Variants in NAV2 observed in about 807,000 individuals in gnomAD.
NAV2 encodes neuron navigator 2.
In NAV2, 54 loss-of-function variants were observed where a neutral mutation model predicts 223.2. The ratio of observed to expected loss-of-function variants is 0.24; its 90% CI spans 0.19 to 0.30. The LOEUF (loss-of-function observed/expected upper bound fraction) is 0.30, where lower values mean the gene tolerates loss of function less well. NAV2 is among the 10% of genes least tolerant of loss of function. NAV2 has a pLI of 1.00. For synonymous variants in NAV2, 1,279 were observed against 1,239.3 expected, an observed-to-expected ratio of 1.03 and a Z score of -0.67; for missense variants, 2,806 against 3,147.5, an observed-to-expected ratio of 0.89 and a Z score of 2.60.
chr11:19,647,996 A>C (rs961941041), intron 1 of NAV2, among the ~76,000 whole-genome samples: 1 of 152,206 alleles, frequency 6.6e-6, no homozygotes, highest in Non-Finnish European at 1.5e-5. Context: ...GCTTCCCTAC[A>C]TTGATGTGGG....
intron 1 of NAV2, among the ~76,000 whole-genome samples, chr11:19,809,356 A>G (rs1035382619): frequency 5.3e-5 from 8 of 152,344 alleles, no homozygotes; most frequent in African/African-American, 1.9e-4. Flanking sequence ...CATGTTATCC[A>G]TGGAGGATTA....
chr11:19,848,096 A>G (rs1328994047), intron 3 of NAV2, among the ~76,000 whole-genome samples: 1 of 152,198 alleles, frequency 6.6e-6, no homozygotes, highest in Non-Finnish European at 1.5e-5. Flanking sequence ...CCCCTGCTGC[A>G]TAGAGCACAG....
intron 6 of NAV2, among the ~76,000 whole-genome samples, chr11:19,908,336 G>T (rs1433454424): frequency 1.3e-5 from 2 of 152,080 alleles, no homozygotes; most frequent in Non-Finnish European, 2.9e-5. Context: ...TGGGAGGAGG[G>T]TATACTGAGC....
At chr11:19,925,489 G>A (rs548879788) in intron 6 of NAV2, among the ~76,000 whole-genome samples, 7 of 152,248 alleles carry the variant, frequency 4.6e-5, no homozygotes, top group South Asian at 2.1e-4. Context: ...GGTGGCTTAC[G>A]CCTGTAATCC....
chr11:19,433,505 G>A (rs1373928114), intron 1 of NAV2, among the ~76,000 whole-genome samples: 3 of 152,236 alleles, frequency 2.0e-5, no homozygotes, highest in Admixed American at 1.3e-4. Context: ...GAAACTTGTT[G>A]ACTATTGCTT....
chr11:19,736,397 A>G (rs1227349235), intron 1 of NAV2, among the ~76,000 whole-genome samples: 1 of 152,180 alleles, frequency 6.6e-6, no homozygotes, highest in East Asian at 1.9e-4. Flanking sequence ...GACATGGATT[A>G]TGAGATCCTC....
intron 12 of NAV2, among the ~76,000 whole-genome samples, chr11:20,042,034 C>T (rs959272929): frequency 1.3e-5 from 2 of 152,150 alleles, no homozygotes; most frequent in African/African-American, 2.4e-5. Flanking sequence ...GTAAGCTCCA[C>T]CATGGGTGGG....
In NAV2 at chr11:19,753,719, G is replaced by A. The variant is rs914508784; in HGVS notation, c.267+39757G>A. 1.2e-4 allele frequency among the ~76,000 whole-genome samples: 18 copies of A among 152,240 alleles called. 2 individuals are homozygous for A. Among genetic ancestry groups the A allele is most frequent in the Admixed American group, 1.2e-3 (18 of 15,290 alleles). On this transcript the variant is annotated intron_variant, in intron 1 of 37. Coordinates refer to ENST00000349880, the MANE Select transcript of NAV2 (RefSeq NM_145117.5). The stretch of plus-strand genomic sequence containing the variant: ...GACAGTTGCTGAAGTCAGAACAGGT[G>A]GGGGTGGACCCAGCCCCTGATTATC...
At chr11:19,924,618 G>C (rs1037311978) in intron 6 of NAV2, among the ~76,000 whole-genome samples, 4 of 152,144 alleles carry the variant, frequency 2.6e-5, no homozygotes, top group Admixed American at 2.0e-4. Flanking sequence ...CAAGATACTG[G>C]AGTATTCATA....
rs368167390 is a variant in NAV2, at chr11:19,536,237, C to T, written c.75+185210C>T. Among the ~76,000 whole-genome samples the T allele has an allele frequency of 3.3e-5, 5 of 152,320 alleles. 1 individual carries two copies. In the South Asian group the frequency reaches 1.0e-3, roughly 32 times the overall value. On this transcript the variant is annotated intron_variant, in intron 1 of 37. Transcript: ENST00000360655. ...AGCCTTAGTGAAGTAAATCAACTTT[C>T]CTAGAGCTATCCAGCTAGTCAGAGG...
intron 1 of NAV2, among the ~76,000 whole-genome samples, chr11:19,629,593 A>T (rs1465928551): frequency 6.7e-6 from 1 of 149,190 alleles, no homozygotes; most frequent in Non-Finnish European, 1.5e-5. Context: ...TAGGAGAATT[A>T]ATTTCCTGTT....
At chr11:19,951,297 A>C (rs1179092812) in intron 10 of NAV2, among the ~76,000 whole-genome samples, 1 of 152,166 alleles carries the variant, frequency 6.6e-6, no homozygotes, top group Non-Finnish European at 1.5e-5. Flanking sequence ...CCAACACCTT[A>C]CAGTACAACA....
intron 1 of NAV2, among the ~76,000 whole-genome samples, chr11:19,704,740 C>T (rs771928239): frequency 2.0e-5 from 3 of 152,056 alleles, no homozygotes; most frequent in Non-Finnish European, 2.9e-5. Context: ...AGGCCGGGCG[C>T]GGTGGCTCAC....
At chr11:19,891,467 G>A (rs2153138439) in intron 5 of NAV2, among the ~76,000 whole-genome samples, 1 of 152,312 alleles carries the variant, frequency 6.6e-6, no homozygotes, top group South Asian at 2.1e-4. Context: ...TATGGATGGT[G>A]ACTTTATTTC....
intron 1 of NAV2, among the ~76,000 whole-genome samples, chr11:19,635,846 C>G (rs1283447367): frequency 6.6e-6 from 1 of 152,170 alleles, no homozygotes; most frequent in South Asian, 2.1e-4. Context: ...TTGGTGGGGA[C>G]AAACCACATC....
chr11:20,003,759 G>A (rs1416768873), intron 11 of NAV2, among the ~76,000 whole-genome samples: 1 of 152,174 alleles, frequency 6.6e-6, no homozygotes, highest in South Asian at 2.1e-4. Context: ...AGGGCTGTGG[G>A]CATGAAGCAG....
In NAV2 at chr11:20,055,770, G is replaced by A. The variant is rs16937386; in HGVS notation, c.4644G>A (p.Ala1548=). ...TTGATTCTATTCCTTTTATTCCAGC[G>A]AGTCCCACCACTGTCACCCAGATGA... ...SGTRFNFSQL[A]SPTTVTQMSL... Residue 1548 remains alanine (A), a splice_region_variant and synonymous_variant, in exon 19 of 38, where the codon GCG becomes GCA. Transcript: ENST00000349880. 162 of 1,612,940 alleles carry A rather than the reference G, an allele frequency of 1.0e-4. No homozygotes were observed. Among genetic ancestry groups the A allele is most frequent in the Middle Eastern group, 1.6e-4 (1 of 6,078 alleles).
At chr11:20,010,428 T>C (rs1318463346) in intron 11 of NAV2, among the ~76,000 whole-genome samples, 1 of 152,178 alleles carries the variant, frequency 6.6e-6, no homozygotes, top group East Asian at 1.9e-4. Flanking sequence ...TTAATAATTG[T>C]GAGTCTCCTT....
chr11:19,786,976 C>T (rs541193233), intron 1 of NAV2, among the ~76,000 whole-genome samples: 21 of 152,080 alleles, frequency 1.4e-4, no homozygotes, highest in Non-Finnish European at 2.2e-4. Context: ...TGTGAATAGC[C>T]ACTGAACTCC....
Sources: gnomAD v4.1 joint callset for allele counts (sites outside exome capture counted in the v4.1 genomes callset) on GRCh38, gnomAD v4.1.1 for gene constraint, MANE v1.5 for transcripts, NCBI Gene and HGNC (gene_info 2026-07-23, HGNC 2026-07-21) for gene names.